The following COL19A1 variants were observed in gnomAD, a reference collection of about 807,000 sequenced individuals.
The protein encoded by COL19A1 is collagen alpha-1(XIX) chain.
A neutral mutation model predicts 190.2 loss-of-function variants in COL19A1; 159 were observed. The observed-to-expected ratio is 0.84, with a 90% confidence interval of 0.73 to 0.95. The LOEUF (loss-of-function observed/expected upper bound fraction) is 0.95, where lower values mean the gene tolerates loss of function less well. COL19A1 is among the 40% of genes least tolerant of loss of function. The pLI is 0.00. For missense variants in COL19A1, 1,418 were observed against 1,431.9 expected (o/e 0.99, Z 0.16); for synonymous variants, 509 against 458.9 (o/e 1.11, Z -1.39).
chr6:70,063,332 C>CA (rs143135244), intron 14 of COL19A1, among the ~76,000 whole-genome samples: 18,904 of 152,122 alleles, frequency 0.12, 1,552 homozygotes, highest in African/African-American at 0.22. Context: ...GAAACTCACT[C>CA]AAAACCGCTC....
intron 13 of COL19A1, among the ~76,000 whole-genome samples, chr6:70,035,293 C>A (rs185797518): frequency 6.6e-6 from 1 of 152,066 alleles, no homozygotes; most frequent in East Asian, 1.9e-4. Flanking sequence ...TTAGATGAAC[C>A]ATTTTTTAAA....
intron 11 of COL19A1, among the ~76,000 whole-genome samples, chr6:70,005,981 A>G (rs1777594791): frequency 1.3e-5 from 2 of 152,066 alleles, no homozygotes. Flanking sequence ...GGGGATACCT[A>G]TTGGGACCAA....
intron 11 of COL19A1, among the ~76,000 whole-genome samples, chr6:69,987,707 G>C (rs1209974637): frequency 6.6e-6 from 1 of 152,176 alleles, no homozygotes. Flanking sequence ...GTGCTTAACT[G>C]CCTTGTGGGG....
intron 1 of COL19A1, among the ~76,000 whole-genome samples, chr6:69,872,302 C>A (rs577154382): frequency 6.6e-6 from 1 of 152,038 alleles, no homozygotes; most frequent in African/African-American, 2.4e-5. Context: ...CATAGTGGAA[C>A]CTCATCCTAT....
At chr6:70,117,234 G>T (rs1049142929) in intron 16 of COL19A1, among the ~76,000 whole-genome samples, 1 of 152,140 alleles carries the variant, frequency 6.6e-6, no homozygotes, top group African/African-American at 2.4e-5. Context: ...CAAAAATATT[G>T]CTCTTTAGGC....
chr6:70,167,823 T>G (rs1335160033), intron 37 of COL19A1, among the ~76,000 whole-genome samples: 3 of 152,186 alleles, frequency 2.0e-5, no homozygotes, highest in Admixed American at 1.3e-4. Flanking sequence ...TCACACTCCC[T>G]TTTCATTTCC....
chr6:70,036,859 A>G (rs1459325731), intron 14 of COL19A1, among the ~76,000 whole-genome samples: 1 of 152,132 alleles, frequency 6.6e-6, no homozygotes, highest in Non-Finnish European at 1.5e-5. Flanking sequence ...AGGAATCTCA[A>G]AAACTGTGTG....
At chr6:70,149,086 G>A (rs771255367) in intron 27 of COL19A1, among the ~76,000 whole-genome samples, 4 of 152,054 alleles carry the variant, frequency 2.6e-5, no homozygotes, top group Admixed American at 6.6e-5. Flanking sequence ...AAATCAGTGA[G>A]CAGTTACTGA....
chr6:69,971,902 A>G (rs1775449966), intron 11 of COL19A1, among the ~76,000 whole-genome samples: 1 of 152,176 alleles, frequency 6.6e-6, no homozygotes, highest in Non-Finnish European at 1.5e-5. Flanking sequence ...GGTCAGATGC[A>G]TCTTTACAAA....
intron 31 of COL19A1, among the ~76,000 whole-genome samples, chr6:70,154,388 T>G (rs1467445272): frequency 6.6e-6 from 1 of 152,166 alleles, no homozygotes; most frequent in Non-Finnish European, 1.5e-5. Flanking sequence ...TTCCAAGTCT[T>G]TGCTGTTGTG....
chr6:70,074,544 T>C (rs1781760477), intron 15 of COL19A1, among the ~76,000 whole-genome samples: 1 of 151,340 alleles, frequency 6.6e-6, no homozygotes, highest in Admixed American at 6.6e-5. Flanking sequence ...TTCTTCTTAC[T>C]TTAAGATAGC....
chr6:70,045,855 C>T (rs1010425545), intron 14 of COL19A1, among the ~76,000 whole-genome samples: 7 of 152,168 alleles, frequency 4.6e-5, no homozygotes, highest in African/African-American at 1.4e-4. Flanking sequence ...TTGAGCCTGT[C>T]CTCAGACTAA....
At chr6:69,892,547 G>A (rs541234993) in intron 2 of COL19A1, among the ~76,000 whole-genome samples, 15 of 152,202 alleles carry the variant, frequency 9.9e-5, no homozygotes, top group African/African-American at 3.4e-4. Flanking sequence ...TTTTACATAG[G>A]TTTTTTGGAT....
chr6:69,913,357 G>T (rs2149989596), intron 4 of COL19A1, among the ~76,000 whole-genome samples: 1 of 152,242 alleles, frequency 6.6e-6, no homozygotes. Context: ...GAATTTAAGG[G>T]TGAATAGAAA....
intron 16 of COL19A1, among the ~76,000 whole-genome samples, chr6:70,113,842 C>CTTTTTT (rs34876942): frequency 2.8e-4 from 18 of 64,136 alleles, no homozygotes; most frequent in Admixed American, 7.4e-4. Flanking sequence ...CCAAGTCTTT[C>CTTTTTT]TTTTTTTTTT....
chr6:69,995,285 A>G (rs997962612), intron 11 of COL19A1, among the ~76,000 whole-genome samples: 3 of 152,224 alleles, frequency 2.0e-5, no homozygotes, highest in Admixed American at 1.3e-4. Context: ...CCTCTACCAC[A>G]AAATAAGCTT....
intron 15 of COL19A1, among the ~76,000 whole-genome samples, chr6:70,089,400 G>T (rs1002612172): frequency 1.3e-5 from 2 of 152,074 alleles, no homozygotes; most frequent in Admixed American, 1.3e-4. Context: ...TATTTTAAAA[G>T]ATGCCCAAAC....
intron 16 of COL19A1, among the ~76,000 whole-genome samples, chr6:70,118,883 C>G (rs1784732523): frequency 6.6e-6 from 1 of 152,138 alleles, no homozygotes; most frequent in African/African-American, 2.4e-5. Context: ...CACCCCACCC[C>G]CAGTGGTAAG....
chr6:70,008,052 A>G (rs1777741854), intron 11 of COL19A1, among the ~76,000 whole-genome samples: 1 of 152,006 alleles, frequency 6.6e-6, no homozygotes, highest in African/African-American at 2.4e-5. Context: ...GTTTAGTTGT[A>G]TAGATTTAAA....
Sources: gnomAD v4.1 joint callset for allele counts (sites outside exome capture counted in the v4.1 genomes callset) on GRCh38, gnomAD v4.1.1 for gene constraint, MANE v1.5 for transcripts, NCBI Gene and HGNC (gene_info 2026-07-23, HGNC 2026-07-21) for gene names.